SIGLEC1: variants seen among roughly 807,000 people sequenced by gnomAD.
The protein encoded by SIGLEC1 is sialic acid binding Ig like lectin 1, also known as sialoadhesin.
SIGLEC1 carries 132 observed loss-of-function variants against 148.0 expected under a neutral mutation model. The ratio of observed to expected loss-of-function variants is 0.89; its 90% CI spans 0.77 to 1.03. The LOEUF (loss-of-function observed/expected upper bound fraction) is 1.03, where lower values mean the gene tolerates loss of function less well. Ranked by LOEUF, SIGLEC1 falls within the 50% of genes least tolerant of loss-of-function variation. The pLI is 0.00. For missense variants in SIGLEC1, 2,253 were observed against 2,271.4 expected, an observed-to-expected ratio of 0.99 and a Z score of 0.16; for synonymous variants, 945 against 969.0, an observed-to-expected ratio of 0.98 and a Z score of 0.46.
At chr20:3,696,129 T>TATATATACACACACACACACAC (rs11087599) in intron 11 of SIGLEC1, among the ~76,000 whole-genome samples, 1 of 142,426 alleles carries the variant, frequency 7.0e-6, no homozygotes, top group African/African-American at 2.7e-5. Flanking sequence ...ACTATATATA[T>TATATATACACACACACACACAC]ACACACACAC....
chr20:3,691,671 T>C (rs1404618406), intron 17 of SIGLEC1, 71 bp from the exon 18 acceptor site: 17 of 1,547,306 alleles, frequency 1.1e-5, no homozygotes, highest in Admixed American at 1.7e-5. Context: ...GGGTGGGACC[T>C]CTGAGGGGCC....
intron 8 of SIGLEC1, among the ~76,000 whole-genome samples, chr20:3,698,371 C>A (rs921393478): frequency 2.1e-4 from 32 of 152,248 alleles, no homozygotes; most frequent in Admixed American, 8.5e-4. Context: ...GAAGAAGGAG[C>A]ACCATTTTCT....
At position 3,692,612 on chromosome 20, in the gene SIGLEC1, C is replaced by A; in HGVS notation, c.3939G>T (p.Val1313=). The A allele has an allele frequency of 6.2e-7, 1 of 1,612,922 alleles. No individual in the cohort carries two copies. Residue 1313 remains valine (V), a synonymous_variant, in exon 16 of 22, where the codon GTG becomes GTT. Transcript: ENST00000344754. ...AGGCGCCTGCATGAGCCCGCGTGGCCACCAGGAATGAGAGTGAGGCAGCTG... is the reference window on the plus strand; with the variant it reads ...AGGCGCCTGCATGAGCCCGCGTGGCAACCAGGAATGAGAGTGAGGCAGCTG... ...EGPAASLSFL[V]ATRAHAGAYS... is the part of the protein sequence containing the mutation.
Position 3,689,407 on chromosome 20 carries a change from G to GAA in SIGLEC1, c.4998-182_4998-181dup, listed in dbSNP as rs139014307. 2.8e-3 allele frequency: 1,851 copies of GAA among 672,856 alleles called. 23 individuals are homozygous for GAA. The African/African-American group carries it at 0.03, about 11-fold the overall frequency. 41.7% of individuals were successfully genotyped at this position (672,856 alleles called of 1,614,324 possible). A position where few individuals can be genotyped will look rare whatever the true frequency, so the allele number is the denominator to read the frequency against. On this transcript the variant is annotated intron_variant, in intron 20 of 21. Transcript: ENST00000344754. The stretch of plus-strand genomic sequence containing the variant: ...TTAGCACAGCCAGGGCAGAGAGGAG[G>GAA]AAAGAAGGAAACTACAGCAAGGAGG...
Position 3,694,387 on chromosome 20 carries a change from A to G in SIGLEC1, c.3090T>C (p.Gly1030=). 6.2e-7 allele frequency: 1 copy of G among 1,613,170 alleles called. No homozygotes were observed. The change falls in exon 13 of 22, where the codon GGT becomes GGC. Residue 1030 remains glycine (G), a synonymous_variant. Transcript: ENST00000344754. ...GAGAGCTGCCTTCGGGTCCCCCCACACCTTGTAGGGTGGAGGCCACAAGGC... is the reference window on the plus strand; with the variant it reads ...GAGAGCTGCCTTCGGGTCCCCCCACGCCTTGTAGGGTGGAGGCCACAAGGC... ...GDRLVASTLQ[G]VGGPEGSSPR...
chr20:3,688,875 G>T (rs372566506), intron 21 of SIGLEC1: 1 of 597,290 alleles, frequency 1.7e-6, no homozygotes. Flanking sequence ...AAAGGTGGGG[G>T]AGTCAGAACA....
Position 3,696,735 on chromosome 20 carries a change from G to A in SIGLEC1, c.2534C>T (p.Pro845Leu), listed in dbSNP as rs1157000121. 19 of 1,613,348 alleles carry A rather than the reference G, an allele frequency of 1.2e-5. No individual in the cohort carries two copies. The highest frequency in any genetic ancestry group is 2.7e-5 in the African/African-American group (2 of 74,954). Residue 845 changes from proline (P) to leucine (L), a missense_variant, in exon 11 of 22, where the codon CCA becomes CTA. Pro to Leu is a moderately conservative substitution (Grantham distance 98, BLOSUM62 -3). Transcript: ENST00000344754. Reference sequence around the variant, plus strand: ...TTTAGCCTGGAACCGACCATGGGATGGGACCTGGGGACCCAGGCTGGTGGC... The same window carrying A: ...TTTAGCCTGGAACCGACCATGGGATAGGACCTGGGGACCCAGGCTGGTGGC... ...LLATSLGPQV[P>L]SHGRFQAKAE...
At position 3,703,296 on chromosome 20, in the gene SIGLEC1, G is replaced by C; in HGVS notation, c.1129C>G (p.Leu377Val). 2.5e-6 allele frequency: 4 copies of C among 1,614,214 alleles called. No homozygotes were observed. The highest frequency in any genetic ancestry group is 1.1e-5 in the South Asian group (1 of 91,080). Residue 377 changes from leucine (L) to valine (V), a missense_variant, in exon 6 of 22, where the codon CTG becomes GTG. Physicochemically the swap from Leu to Val is conservative, Grantham distance 32. Coordinates refer to ENST00000344754, the MANE Select transcript of SIGLEC1 (RefSeq NM_023068.4). ...GTATCAGCCCTAGTGGCCAAGTGCAGCCGGAGGGTATGGGAGTGGGCATCC... is the reference window on the plus strand; with the variant it reads ...GTATCAGCCCTAGTGGCCAAGTGCACCCGGAGGGTATGGGAGTGGGCATCC... ...LEDAHSHTLR[L>V]HLATRADTGF...
intron 4 of SIGLEC1, among the ~76,000 whole-genome samples, 160 bp downstream of exon 4, chr20:3,705,584 C>A (rs979667903): frequency 6.6e-6 from 1 of 152,208 alleles, no homozygotes; most frequent in Non-Finnish European, 1.5e-5. Context: ...GTCCTTGGGG[C>A]TCAGCAGTGT....
chr20:3,689,247 C>T lies in SIGLEC1; in HGVS notation c.4998-20G>A, dbSNP rs199727010. ...CTCCTTCTGCAAGGCCCGGAGTGGA[C>T]TCAGAGAGCCTCTCCCCTCCCCACC... On this transcript the variant is annotated intron_variant, in intron 20 of 21. Coordinates refer to ENST00000344754, the MANE Select transcript of SIGLEC1 (RefSeq NM_023068.4). 922 of 1,601,632 alleles carry T rather than the reference C, an allele frequency of 5.8e-4. 12 individuals carry two copies. In the South Asian group the frequency reaches 8.4e-3, roughly 15 times the overall value.
chr20:3,707,274 G>A (rs2087903991), intron 1 of SIGLEC1, 37 bp from the exon 2 acceptor site: 1 of 674,282 alleles, frequency 1.5e-6, no homozygotes, highest in Non-Finnish European at 2.6e-6. Context: ...CTCCTCTGCT[G>A]GCCAACCCAA....
At position 3,696,715 on chromosome 20, in the gene SIGLEC1, C is replaced by G. The variant is rs141212605; in HGVS notation, c.2554G>C (p.Ala852Pro). The change falls in exon 11 of 22, where the codon GCT becomes CCT. Residue 852 changes from alanine (A) to proline (P), a missense_variant. By Grantham distance (27) the Ala-to-Pro change is conservative. Coordinates refer to ENST00000344754, the MANE Select transcript of SIGLEC1 (RefSeq NM_023068.4). ...TTCAGGGAGTTGGCCTCAGCTTTAGCCTGGAACCGACCATGGGATGGGACC... is the reference window on the plus strand; with the variant it reads ...TTCAGGGAGTTGGCCTCAGCTTTAGGCTGGAACCGACCATGGGATGGGACC... ...PQVPSHGRFQ[A>P]KAEANSLKLE... is the part of the protein sequence containing the mutation. 110 of 1,613,562 alleles carry G rather than the reference C, an allele frequency of 6.8e-5. No individual in the cohort carries two copies. Among genetic ancestry groups the G allele is most frequent in the Non-Finnish European group, 8.6e-5 (102 of 1,180,040 alleles).
At position 3,694,276 on chromosome 20, in the gene SIGLEC1, A is replaced by G; in HGVS notation, c.3201T>C (p.Cys1067=). 2.5e-6 allele frequency: 4 copies of G among 1,612,902 alleles called. No individual in the cohort carries two copies. Among genetic ancestry groups the G allele is most frequent in the Non-Finnish European group, 3.4e-6 (4 of 1,179,994 alleles). ...CCTGGCCCAGGGTGTTGGAGGCCTCACAGATATAGACACCCTCATCCTCCA... is the reference window on the plus strand; with the variant it reads ...CCTGGCCCAGGGTGTTGGAGGCCTCGCAGATATAGACACCCTCATCCTCCA... ...AMLEDEGVYI[C]EASNTLGQAS... is the part of the protein sequence containing the mutation. The change falls in exon 13 of 22, where the codon TGT becomes TGC. Residue 1067 remains cysteine (C), a synonymous_variant. Coordinates refer to ENST00000344754, the MANE Select transcript of SIGLEC1 (RefSeq NM_023068.4).
At chr20:3,690,685 T>C (rs1215813320) in intron 18 of SIGLEC1, among the ~76,000 whole-genome samples, 1 of 152,246 alleles carries the variant, frequency 6.6e-6, no homozygotes, top group African/African-American at 2.4e-5. Context: ...GTAAGTTTTG[T>C]TGTGGTCAAT....
chr20:3,694,951 G>A, intron 11 of SIGLEC1, 28 bp from the exon 12 acceptor site: 2 of 1,595,892 alleles, frequency 1.3e-6, no homozygotes, highest in Non-Finnish European at 1.7e-6. Flanking sequence ...GAGCAGGTGA[G>A]GGCTCTCCAC....
In SIGLEC1 at chr20:3,706,048, C is replaced by T. The variant is rs750830073; in HGVS notation, c.410-8G>A. On this transcript the variant is annotated splice_region_variant and splice_polypyrimidine_tract_variant and intron_variant, in intron 3 of 21. Transcript: ENST00000344754. ...TGGGCACCCTGGGCTCCTCTGAGGA[C>T]AGAGACAGCAGTGCTCAGGACCCGC... is the stretch of plus-strand genomic sequence containing the variant. 2.5e-6 allele frequency: 4 copies of T among 1,608,964 alleles called. No homozygotes were observed. The highest frequency in any genetic ancestry group is 3.4e-6 in the Non-Finnish European group (4 of 1,177,336).
At position 3,689,947 on chromosome 20, in the gene SIGLEC1, GC is replaced by G. The variant is rs1160491176; in HGVS notation, c.4894+14del. 3.7e-6 allele frequency: 6 copies of G among 1,600,728 alleles called. No individual in the cohort carries two copies. Among genetic ancestry groups the G allele is most frequent in the African/African-American group, 2.7e-5 (2 of 74,640 alleles). On this transcript the variant is annotated intron_variant, in intron 19 of 21. Coordinates refer to ENST00000344754, the MANE Select transcript of SIGLEC1 (RefSeq NM_023068.4). Reference sequence around the variant, plus strand: ...TGTGCAGAGTGGCCTGGGAGATGGAGCCCCCTCCCCTCACCTCTGACCCCAA... The same window carrying G: ...TGTGCAGAGTGGCCTGGGAGATGGAGCCCCTCCCCTCACCTCTGACCCCAA...
chr20:3,707,017 G>T, intron 2 of SIGLEC1, 63 bp downstream of exon 2: 1 of 1,534,318 alleles, frequency 6.5e-7, no homozygotes, highest in Non-Finnish European at 9.0e-7. Context: ...AGTCTAATCT[G>T]CCAAGGGCTG....
rs760169620 is a variant in SIGLEC1 at position 3,693,142 on chromosome 20, TGA to T, written c.3509-13_3509-12del. 6.5e-7 allele frequency: 1 copy of T among 1,536,528 alleles called. No homozygotes were observed. The highest frequency in any genetic ancestry group is 1.3e-5 in the South Asian group (1 of 79,388). On this transcript the variant is annotated splice_polypyrimidine_tract_variant and intron_variant, in intron 14 of 21. Transcript: ENST00000344754. ...GGTTGCGGGGCGCGTCTGCAGGGCA[TGA>T]GAGGCTTACACGGAGTCACAGGCAG...
Sources: gnomAD v4.1 joint callset for allele counts (sites outside exome capture counted in the v4.1 genomes callset) on GRCh38, gnomAD v4.1.1 for gene constraint, MANE v1.5 for transcripts, NCBI Gene and HGNC (gene_info 2026-07-23, HGNC 2026-07-21) for gene names.